PRKAA2: variants seen among roughly 807,000 people sequenced by gnomAD.
The protein encoded by PRKAA2 is protein kinase AMP-activated catalytic subunit alpha 2.
A neutral mutation model predicts 56.3 loss-of-function variants in PRKAA2; 40 were observed. The observed-to-expected ratio is 0.71, with a 90% CI of 0.55 to 0.92. The LOEUF is 0.92. PRKAA2 is among the 40% of genes least tolerant of loss of function. The pLI is 0.00. For synonymous variants in PRKAA2, 214 were observed against 234.2 expected (o/e 0.91, Z 0.79); for missense variants, 542 against 686.9 (o/e 0.79, Z 2.36).
chr1:56,659,200 G>T (rs1241670051), intron 1 of PRKAA2, among the ~76,000 whole-genome samples: 1 of 151,570 alleles, frequency 6.6e-6, no homozygotes, highest in Non-Finnish European at 1.5e-5. Flanking sequence ...AAATTTTAAA[G>T]AAGTATTTTA....
intron 2 of PRKAA2, among the ~76,000 whole-genome samples, chr1:56,675,575 G>A (rs1644107389): frequency 6.6e-6 from 1 of 151,966 alleles, no homozygotes; most frequent in African/African-American, 2.4e-5. Context: ...CAGCATTCCA[G>A]TTTTTCTTAA....
chr1:56,659,869 C>T (rs556258562), intron 1 of PRKAA2, among the ~76,000 whole-genome samples: 9 of 152,288 alleles, frequency 5.9e-5, no homozygotes, highest in African/African-American at 1.9e-4. Flanking sequence ...GAGCGTCCTA[C>T]TGCACTCCAG....
intron 2 of PRKAA2, among the ~76,000 whole-genome samples, chr1:56,685,476 A>C (rs1644184579): frequency 6.6e-6 from 1 of 152,180 alleles, no homozygotes; most frequent in Non-Finnish European, 1.5e-5. Flanking sequence ...TTACTAGACT[A>C]TGCAAATTTG....
chr1:56,699,436 T>A (rs1162706281), intron 6 of PRKAA2, among the ~76,000 whole-genome samples: 4 of 152,190 alleles, frequency 2.6e-5, no homozygotes, highest in Non-Finnish European at 4.4e-5. Context: ...TAGTTACTGC[T>A]CACTTTGGTA....
Position 56,704,029 on chromosome 1 carries a change from T to A in PRKAA2, c.847T>A (p.Tyr283Asn). 6.2e-7 allele frequency: 1 copy of A among 1,613,918 alleles called. No individual in the cohort carries two copies. Residue 283 changes from tyrosine to asparagine, a missense_variant, in exon 7 of 9, where the codon TAT becomes AAT. By Grantham distance (143) the Tyr-to-Asn change is moderately radical. Transcript: ENST00000371244. ...TTACTTATTTCCTGAAGACCCTTCC[T>A]ATGATGCTAACGTCATTGATGATGA... ...PSYLFPEDPS[Y>N]DANVIDDEAV...
intron 1 of PRKAA2, among the ~76,000 whole-genome samples, chr1:56,659,341 C>A (rs564076450): frequency 6.6e-6 from 1 of 150,938 alleles, no homozygotes; most frequent in African/African-American, 2.4e-5. Flanking sequence ...ACTAAAAATA[C>A]AAAAAATGAG....
At chr1:56,678,948 C>A in intron 2 of PRKAA2, among the ~76,000 whole-genome samples, 1 of 152,144 alleles carries the variant, frequency 6.6e-6, no homozygotes, top group Admixed American at 6.5e-5. Flanking sequence ...CCCACCTTGG[C>A]CTCCCAAAGT....
At chr1:56,672,601 A>G (rs1644085557) in intron 1 of PRKAA2, among the ~76,000 whole-genome samples, 1 of 152,200 alleles carries the variant, frequency 6.6e-6, no homozygotes, top group Non-Finnish European at 1.5e-5. Flanking sequence ...ACTAACCTTC[A>G]AAGAACAGGC....
chr1:56,674,287 T>C (rs1644098076), intron 1 of PRKAA2, 94 bp from the exon 2 acceptor site: 1 of 1,070,628 alleles, frequency 9.3e-7, no homozygotes, highest in Admixed American at 2.8e-5. Flanking sequence ...ATGGTATATA[T>C]GAGTAGAGAA....
chr1:56,702,303 G>C (rs1307631087), intron 6 of PRKAA2, among the ~76,000 whole-genome samples: 1 of 152,024 alleles, frequency 6.6e-6, no homozygotes, highest in Non-Finnish European at 1.5e-5. Context: ...GGCCGGTCTC[G>C]AACTCCCGAC....
In PRKAA2 at chr1:56,709,254, T is replaced by C. The variant is rs2100443507; in HGVS notation, c.*1541T>C. 1 of 152,310 alleles carries C rather than the reference T, an allele frequency of 6.6e-6. No individual in the cohort carries two copies. The highest frequency in any genetic ancestry group is 1.9e-4 in the East Asian group (1 of 5,180). 9.4% of individuals were successfully genotyped at this position (152,310 alleles called of 1,614,324 possible). On this transcript the variant is annotated 3_prime_UTR_variant, in exon 9 of 9. Transcript: ENST00000371244. ...TGAGAATGTTAGACTAAGTTTCTCC[T>C]GTGTTAGTGGAAAACAAGTGTGTCT...
At chr1:56,699,449 G>A (rs1453983230) in intron 6 of PRKAA2, among the ~76,000 whole-genome samples, 2 of 152,122 alleles carry the variant, frequency 1.3e-5, no homozygotes, top group Admixed American at 1.3e-4. Context: ...CTTTGGTAGA[G>A]TTAGTTCAGA....
At chr1:56,678,884 C>G (rs920383595) in intron 2 of PRKAA2, among the ~76,000 whole-genome samples, 1 of 151,948 alleles carries the variant, frequency 6.6e-6, no homozygotes, top group Non-Finnish European at 1.5e-5. Flanking sequence ...TTAGTAGAGA[C>G]GGGGTTTCAC....
rs1177839296 is a variant in PRKAA2 at position 56,710,676 on chromosome 1, T to G, written c.*2963T>G. On this transcript the variant is annotated 3_prime_UTR_variant, in exon 9 of 9. Coordinates refer to ENST00000371244, the MANE Select transcript of PRKAA2 (RefSeq NM_006252.4). Reference sequence around the variant, plus strand: ...ATGCTGGATTAAATAGAATTTTCTGTGTCTGCAACTTGTTTCATGACACCT... The same window carrying G: ...ATGCTGGATTAAATAGAATTTTCTGGGTCTGCAACTTGTTTCATGACACCT... 6.6e-6 allele frequency: 1 copy of G among 152,142 alleles called. No individual in the cohort carries two copies. Among genetic ancestry groups the G allele is most frequent in the Non-Finnish European group, 1.5e-5 (1 of 67,990 alleles). 9.4% of individuals were successfully genotyped at this position (152,142 alleles called of 1,614,324 possible).
chr1:56,700,530 T>C (rs923594449), intron 6 of PRKAA2, among the ~76,000 whole-genome samples: 3 of 152,202 alleles, frequency 2.0e-5, no homozygotes, highest in Admixed American at 6.5e-5. Flanking sequence ...CTGGAAATTG[T>C]GTTTCCTAAT....
In PRKAA2 at chr1:56,704,458, C is replaced by G. The variant is rs1006538361; in HGVS notation, c.1276C>G (p.Leu426Val). 7.5e-6 allele frequency: 12 copies of G among 1,598,052 alleles called. No homozygotes were observed. Among genetic ancestry groups the G allele is most frequent in the Admixed American group, 1.8e-5 (1 of 56,830 alleles). Residue 426 changes from leucine (L) to valine (V), a missense_variant, in exon 7 of 9, where the codon CTG (leucine) becomes GTG (valine). Transcript: ENST00000371244. ...MAEVYRAMKQLDFEWKVVNAY... is the reference protein window; with the variant it reads ...MAEVYRAMKQVDFEWKVVNAY... The stretch of plus-strand genomic sequence containing the variant: ...TGAAGTTTACCGAGCTATGAAGCAG[C>G]TGGATTTTGAATGGAAGGTAGGAAA...
chr1:56,646,963 A>T (rs879475293), intron 1 of PRKAA2, among the ~76,000 whole-genome samples: 8 of 152,198 alleles, frequency 5.3e-5, no homozygotes, highest in Admixed American at 1.3e-4. Context: ...ATCAGAATAT[A>T]TATGTAAAAG....
intron 2 of PRKAA2, among the ~76,000 whole-genome samples, chr1:56,680,890 G>A (rs942694519): frequency 2.0e-5 from 3 of 152,190 alleles, no homozygotes; most frequent in African/African-American, 7.2e-5. Flanking sequence ...GGGATGGCGG[G>A]TCAAATGGTA....
intron 8 of PRKAA2, among the ~76,000 whole-genome samples, chr1:56,706,985 G>A (rs1279130874): frequency 6.6e-6 from 1 of 152,050 alleles, no homozygotes; most frequent in African/African-American, 2.4e-5. Flanking sequence ...CAGATCCCTG[G>A]GAACCACTCC....
Sources: allele counts gnomAD v4.1 joint callset (sites outside exome capture counted in the v4.1 genomes callset), GRCh38; gene constraint gnomAD v4.1.1; transcripts MANE v1.5; gene names NCBI Gene and HGNC (gene_info 2026-07-23, HGNC 2026-07-21).